The following TBC1D8 variants were observed in gnomAD, a reference collection of about 807,000 sequenced individuals.
TBC1D8 encodes the protein TBC1 domain family member 8, also known as BUB2-like protein 1.
In TBC1D8, 65 loss-of-function variants were observed where a neutral mutation model predicts 118.8. The ratio of observed to expected loss-of-function variants is 0.55; its 90% CI spans 0.45 to 0.67. The LOEUF is 0.67. TBC1D8 is among the 30% of genes least tolerant of loss of function. The probability of loss-of-function intolerance (pLI) is 0.00; values close to 1 mark genes in which losing one functional copy is unlikely to be tolerated. For synonymous variants in TBC1D8, 566 were observed against 595.8 expected, an observed-to-expected ratio of 0.95 and a Z score of 0.73; for missense variants, 1,376 against 1,471.2, an observed-to-expected ratio of 0.94 and a Z score of 1.06.
chr2:101,107,491 C>T (rs1377407368), intron 1 of TBC1D8, among the ~76,000 whole-genome samples: 1 of 151,968 alleles, frequency 6.6e-6, no homozygotes, highest in East Asian at 1.9e-4. Flanking sequence ...GTTCTGTCTC[C>T]CTGGAGAATC....
At chr2:101,079,470 G>A (rs546906193) in intron 2 of TBC1D8, among the ~76,000 whole-genome samples, 1 of 152,162 alleles carries the variant, frequency 6.6e-6, no homozygotes, top group African/African-American at 2.4e-5. Context: ...GAACTCCCAG[G>A]CTCGAGCAAT....
chr2:101,117,842 T>C (rs1444619578), intron 1 of TBC1D8, among the ~76,000 whole-genome samples: 1 of 150,000 alleles, frequency 6.7e-6, no homozygotes, highest in African/African-American at 2.5e-5. Context: ...CCCAAAGTGC[T>C]GGGATTACAG....
intron 1 of TBC1D8, among the ~76,000 whole-genome samples, chr2:101,141,578 C>T (rs1679101321): frequency 6.6e-6 from 1 of 152,046 alleles, no homozygotes. Flanking sequence ...AGCAGCTCTT[C>T]TTAAACAAGT....
chr2:101,059,587 G>GT, intron 2 of TBC1D8, 48 bp from the exon 3 acceptor site: 1 of 1,421,632 alleles, frequency 7.0e-7, no homozygotes, highest in Middle Eastern at 1.8e-4. Flanking sequence ...TGCAATAGAA[G>GT]TAATTCCTAG....
intron 2 of TBC1D8, among the ~76,000 whole-genome samples, chr2:101,074,042 A>G (rs2105439588): frequency 6.6e-6 from 1 of 152,398 alleles, no homozygotes; most frequent in South Asian, 2.1e-4. Context: ...CAAGAGGCCT[A>G]GCTTTCAGCC....
At chr2:101,087,082 C>A (rs1477868445) in intron 2 of TBC1D8, among the ~76,000 whole-genome samples, 3 of 152,058 alleles carry the variant, frequency 2.0e-5, no homozygotes, top group Non-Finnish European at 4.4e-5. Flanking sequence ...CCGCGCCCGG[C>A]TGAATTTCAT....
chr2:101,011,229 CA>C, intron 18 of TBC1D8: 1 of 685,252 alleles, frequency 1.5e-6, no homozygotes, highest in Non-Finnish European at 2.4e-6. Context: ...CGTGAAACAG[CA>C]AACAGGAGGA....
chr2:101,082,844 T>C (rs1338872900), intron 2 of TBC1D8, among the ~76,000 whole-genome samples: 1 of 127,302 alleles, frequency 7.9e-6, no homozygotes, highest in African/African-American at 3.0e-5. Flanking sequence ...GTTCTGGAGA[T>C]GGATGGTGGT....
chr2:101,023,407 A>G (rs1243602697), intron 15 of TBC1D8, among the ~76,000 whole-genome samples: 2 of 151,938 alleles, frequency 1.3e-5, no homozygotes, highest in Non-Finnish European at 2.9e-5. Flanking sequence ...TGGCCTCCCA[A>G]AGTGCTGGGA....
intron 1 of TBC1D8, among the ~76,000 whole-genome samples, chr2:101,121,332 C>T (rs957693438): frequency 2.0e-5 from 3 of 152,326 alleles, no homozygotes; most frequent in Admixed American, 1.3e-4. Context: ...CCAGGGACTG[C>T]GACAAGCTCC....
At chr2:101,098,082 TA>T (rs528364105) in intron 1 of TBC1D8, among the ~76,000 whole-genome samples, 2 of 152,092 alleles carry the variant, frequency 1.3e-5, no homozygotes, top group Admixed American at 6.6e-5. Flanking sequence ...AGAAAGGTTT[TA>T]AAAAAAGAAA....
At chr2:101,130,579 C>T (rs550711895) in intron 1 of TBC1D8, among the ~76,000 whole-genome samples, 6 of 152,312 alleles carry the variant, frequency 3.9e-5, no homozygotes, top group African/African-American at 1.4e-4. Flanking sequence ...GCAAGAGCTA[C>T]AAAAAGTCAA....
chr2:101,050,595 C>T lies in TBC1D8; in HGVS notation c.678G>A (p.Thr226=), dbSNP rs1019418017. Residue 226 remains threonine, a synonymous_variant, in exon 5 of 20, where the codon ACG becomes ACA. Coordinates refer to ENST00000409318, the MANE Select transcript of TBC1D8 (RefSeq NM_001330348.2). The part of the protein sequence containing the change: ...PWVDIQKLER[T]SNVFLTDTIR... ...TGGTATCCGTCAGAAAGACATTGGA[C>T]GTTCTTTCTAATTTCTGGATATCAA... The T allele has an allele frequency of 1.9e-6, 3 of 1,613,928 alleles. No individual in the cohort carries two copies. The highest frequency in any genetic ancestry group is 2.2e-5 in the South Asian group (2 of 91,082).
In TBC1D8 at chr2:101,028,449, G is replaced by A. The variant is rs181904736; in HGVS notation, c.2223-17C>T. On this transcript the variant is annotated splice_polypyrimidine_tract_variant and intron_variant, in intron 12 of 19. Transcript: ENST00000409318. Reference sequence around the variant, plus strand: ...TCTAGAAACCTGAACACACCGCCCCGTCAACGCCCAAGTCCATCCTCATTC... The same window carrying A: ...TCTAGAAACCTGAACACACCGCCCCATCAACGCCCAAGTCCATCCTCATTC... The A allele has an allele frequency of 4.3e-5, 66 of 1,538,644 alleles. No individual in the cohort carries two copies. The highest frequency in any genetic ancestry group is 2.1e-4 in the South Asian group (17 of 79,938).
rs373606266 is a variant in TBC1D8 at position 101,116,109 on chromosome 2, AC to A, written c.128-25746del. On this transcript the variant is annotated intron_variant, in intron 1 of 19. Transcript: ENST00000409318. ...TATAAGAAAAATCTCCACCAATCTT[AC>A]CCCCTCAACAAATCAAACCAACTTC... Among the ~76,000 whole-genome samples, 37 of 152,258 alleles carry A rather than the reference AC, an allele frequency of 2.4e-4. 1 individual carries two copies. The East Asian group carries it at 7.1e-3, about 29-fold the overall frequency.
chr2:101,011,390 C>G (rs1062059), intron 18 of TBC1D8, 61 bp downstream of exon 18: 1 of 1,551,294 alleles, frequency 6.4e-7, no homozygotes, highest in Non-Finnish European at 8.9e-7. Context: ...AGGGCAACCC[C>G]GGTGCCTCCC....
At chr2:101,027,763 G>GC (rs1163941915) in intron 14 of TBC1D8, among the ~76,000 whole-genome samples, 1 of 152,200 alleles carries the variant, frequency 6.6e-6, no homozygotes, top group Non-Finnish European at 1.5e-5. Context: ...GCCCCTGCGG[G>GC]CCCCCTGTGC....
intron 2 of TBC1D8, among the ~76,000 whole-genome samples, chr2:101,077,070 C>T: frequency 6.6e-6 from 1 of 152,242 alleles, no homozygotes; most frequent in East Asian, 1.9e-4. Context: ...GTCGCCCAGA[C>T]TGGAGTGCAG....
At chr2:101,145,294 TCA>T (rs762892700) in intron 1 of TBC1D8, among the ~76,000 whole-genome samples, 2 of 152,248 alleles carry the variant, frequency 1.3e-5, no homozygotes, top group Non-Finnish European at 2.9e-5. Flanking sequence ...TAAAGATATA[TCA>T]GTTATTTAAC....
Sources: allele counts gnomAD v4.1 joint callset (sites outside exome capture counted in the v4.1 genomes callset), GRCh38; gene constraint gnomAD v4.1.1; transcripts MANE v1.5; gene names NCBI Gene and HGNC (gene_info 2026-07-23, HGNC 2026-07-21).